The following UBA2 variants were observed in gnomAD, a reference collection of about 807,000 sequenced individuals.
UBA2 encodes the protein SUMO-activating enzyme subunit 2.
Under a neutral mutation model 77.2 loss-of-function variants are expected in UBA2, and 11 were observed. That is an observed-to-expected ratio of 0.14 (90% CI 0.09 to 0.24). UBA2 has a LOEUF of 0.24. Ranked by LOEUF, UBA2 falls within the 10% of genes least tolerant of loss-of-function variation. The pLI, the probability that UBA2 is intolerant of heterozygous loss-of-function variation, is 1.00. For missense variants in UBA2, 487 were observed against 781.7 expected (o/e 0.62, Z 4.50); for synonymous variants, 278 against 276.7 (o/e 1.00, Z -0.05).
intron 5 of UBA2, among the ~76,000 whole-genome samples, chr19:34,436,043 C>T (rs1330274535): frequency 1.3e-5 from 2 of 148,912 alleles, no homozygotes; most frequent in East Asian, 2.1e-4. Context: ...TCCCTTGAAC[C>T]GGGGAAGCGG....
chr19:34,436,764 C>T (rs1373654500), intron 5 of UBA2, among the ~76,000 whole-genome samples: 5 of 152,022 alleles, frequency 3.3e-5, no homozygotes, highest in Non-Finnish European at 5.9e-5. Flanking sequence ...TTGCTGGTTG[C>T]GTCTAATTTT....
At chr19:34,463,344 A>G (rs530699257) in intron 14 of UBA2, among the ~76,000 whole-genome samples, 2 of 152,244 alleles carry the variant, frequency 1.3e-5, no homozygotes, top group African/African-American at 4.8e-5. Flanking sequence ...CAGCGTTTTA[A>G]TGTTTTAGGG....
rs569431215 is a variant in UBA2 at position 34,450,566 on chromosome 19, G to A, written c.871+202G>A. Among the ~76,000 whole-genome samples, 10 of 152,008 alleles carry A rather than the reference G, an allele frequency of 6.6e-5. No individual in the cohort carries two copies. In the East Asian group the frequency reaches 1.4e-3, roughly 21 times the overall value. ...ATTTTCAGGAGTGTTCTGGTGGTCC[G>A]CCCTATGTACACAGATGCAGGCATT... On this transcript the variant is annotated intron_variant, in intron 9 of 16. Coordinates refer to ENST00000246548, the MANE Select transcript of UBA2 (RefSeq NM_005499.3).
Position 34,428,493 on chromosome 19 carries a change from C to A in UBA2, c.61C>A (p.Leu21Met). Residue 21 changes from leucine (L) to methionine (M), a missense_variant, in exon 1 of 17, where the codon CTG (leucine) becomes ATG (methionine). Around this residue, in one of 9 missense-constraint regions of UBA2, gnomAD observed 30 missense variants for 27.4 expected, o/e 1.09. Coordinates refer to ENST00000246548, the MANE Select transcript of UBA2 (RefSeq NM_005499.3). The part of the protein sequence containing the change: ...LAEAVAGGRV[L>M]VVGAGGIGCE... ...TGAGGCGGTGGCCGGGGGCCGGGTG[C>A]TGGTGGTGGGGGCGGGCGGCATCGG... is the stretch of plus-strand genomic sequence containing the variant. 7.7e-7 allele frequency: 1 copy of A among 1,299,482 alleles called. No individual in the cohort carries two copies. Among genetic ancestry groups the A allele is most frequent in the South Asian group, 3.4e-5 (1 of 29,642 alleles). 80.5% of individuals were successfully genotyped at this position (1,299,482 alleles called of 1,614,324 possible). A position where few individuals can be genotyped will look rare whatever the true frequency, so the allele number is the denominator to read the frequency against.
chr19:34,445,086 T>G lies in UBA2; in HGVS notation c.736T>G (p.Ser246Ala). 1 of 1,613,764 alleles carries G rather than the reference T, an allele frequency of 6.2e-7. No individual in the cohort carries two copies. Among genetic ancestry groups the G allele is most frequent in the Non-Finnish European group, 8.5e-7 (1 of 1,179,888 alleles). The change falls in exon 8 of 17, where the codon TCA (serine) becomes GCA (alanine). Residue 246 changes from serine to alanine, a missense_variant. Transcript: ENST00000246548. The part of the protein sequence containing the change: ...KRISTKEWAK[S>A]TGYDPVKLFT... ...TATTTCTACTAAGGAATGGGCTAAA[T>G]CAACTGGATATGATCCAGTTAAACT...
At chr19:34,436,313 T>A (rs1269547805) in intron 5 of UBA2, among the ~76,000 whole-genome samples, 1 of 151,124 alleles carries the variant, frequency 6.6e-6, no homozygotes, top group East Asian at 1.9e-4. Context: ...TTGTTTATTT[T>A]TTTGAGACAG....
intron 13 of UBA2, among the ~76,000 whole-genome samples, chr19:34,459,807 T>C (rs1244461640): frequency 6.6e-6 from 1 of 152,216 alleles, no homozygotes; most frequent in Non-Finnish European, 1.5e-5. Context: ...GAATGGCCTT[T>C]CTTCCAGAAA....
chr19:34,430,471 A>T (rs1026104330), intron 1 of UBA2, 105 bp from the exon 2 acceptor site: 1 of 711,926 alleles, frequency 1.4e-6, no homozygotes, highest in African/African-American at 1.8e-5. Context: ...TTTCTCCACT[A>T]ATGTAGCAGA....
chr19:34,430,406 C>G (rs1008479969), intron 1 of UBA2, among the ~76,000 whole-genome samples, 170 bp from the exon 2 acceptor site: 2 of 152,162 alleles, frequency 1.3e-5, no homozygotes, highest in Admixed American at 6.5e-5. Context: ...TTCTTACATG[C>G]ATTAAATTAT....
Position 34,469,292 on chromosome 19 carries a change from T to C in UBA2, c.*71T>C, listed in dbSNP as rs2075717508. On this transcript the variant is annotated 3_prime_UTR_variant, in exon 17 of 17. Transcript: ENST00000246548. ...GGGCAGAACCAGATTGTTATGTCCT[T>C]TGTTCCAAAGGGAAAAAATTGACAG... 1.4e-6 allele frequency: 2 copies of C among 1,382,108 alleles called. No homozygotes were observed. The highest frequency in any genetic ancestry group is 1.8e-5 in the South Asian group (1 of 54,222). The allele number at this position is 1,382,108 out of a possible 1,614,324, so 85.6% of individuals were successfully genotyped here. A position where few individuals can be genotyped will look rare whatever the true frequency, so the allele number is the denominator to read the frequency against.
chr19:34,444,560 A>G (rs2075407911), intron 7 of UBA2, among the ~76,000 whole-genome samples: 1 of 151,798 alleles, frequency 6.6e-6, no homozygotes, highest in Middle Eastern at 3.2e-3. Context: ...TAGTCCCAGC[A>G]TTTTGGGAGG....
chr19:34,449,303 C>G (rs1256440896), intron 8 of UBA2, among the ~76,000 whole-genome samples: 1 of 139,774 alleles, frequency 7.2e-6, no homozygotes, highest in South Asian at 2.4e-4. Context: ...CTCTTGACTT[C>G]GTGATCCACC....
At chr19:34,449,113 A>C (rs2145531126) in intron 8 of UBA2, among the ~76,000 whole-genome samples, 1 of 122,424 alleles carries the variant, frequency 8.2e-6, no homozygotes. Flanking sequence ...CTCTGTTGCC[A>C]GGCTGGAGTG....
intron 6 of UBA2, among the ~76,000 whole-genome samples, chr19:34,442,978 G>C (rs1344447103): frequency 6.6e-6 from 1 of 152,166 alleles, no homozygotes; most frequent in Non-Finnish European, 1.5e-5. Context: ...GGAAATACTG[G>C]AAACTTTTAT....
At chr19:34,454,156 A>G in intron 10 of UBA2, 104 bp from the exon 11 acceptor site, 1 of 1,047,538 alleles carries the variant, frequency 9.5e-7, no homozygotes, top group Non-Finnish European at 1.4e-6. Flanking sequence ...GTTCTAGTCG[A>G]AAGTCTATAG....
In UBA2 at chr19:34,435,052, A is replaced by G. The variant is rs1413180916; in HGVS notation, c.459+84A>G. On this transcript the variant is annotated intron_variant, in intron 5 of 16. Coordinates refer to ENST00000246548, the MANE Select transcript of UBA2 (RefSeq NM_005499.3). ...GAGGAAATAAACTTTGTATTTATATAAAATGAACAGGTGAACATCCAAAAT... is the reference window on the plus strand; with the variant it reads ...GAGGAAATAAACTTTGTATTTATATGAAATGAACAGGTGAACATCCAAAAT... 12 of 991,444 alleles carry G rather than the reference A, an allele frequency of 1.2e-5. No homozygotes were observed. The South Asian group carries it at 1.8e-4, about 15-fold the overall frequency. 61.4% of individuals were successfully genotyped at this position (991,444 alleles called of 1,614,324 possible).
At chr19:34,440,262 T>C (rs575154493) in intron 6 of UBA2, among the ~76,000 whole-genome samples, 322 of 145,830 alleles carry the variant, frequency 2.2e-3, no homozygotes, top group African/African-American at 7.8e-3. Flanking sequence ...GGGTGGAGAT[T>C]GGGCCACTGC....
At chr19:34,435,148 A>G (rs559816599) in intron 5 of UBA2, among the ~76,000 whole-genome samples, 180 bp downstream of exon 5, 47 of 152,366 alleles carry the variant, frequency 3.1e-4, no homozygotes, top group Non-Finnish European at 5.7e-4. Flanking sequence ...CTGTAATCCC[A>G]GCACTTCGGG....
intron 15 of UBA2, among the ~76,000 whole-genome samples, chr19:34,465,585 G>A (rs1057218879): frequency 1.4e-4 from 21 of 147,654 alleles, no homozygotes; most frequent in Admixed American, 1.2e-3. Context: ...GCAGTGAGCC[G>A]AGATTGCGCC....
Sources: gnomAD v4.1 joint callset for allele counts (sites outside exome capture counted in the v4.1 genomes callset) on GRCh38, gnomAD v4.1.1 for gene constraint, gnomAD v4.1.1 regional missense constraint, MANE v1.5 for transcripts, NCBI Gene and HGNC (gene_info 2026-07-23, HGNC 2026-07-21) for gene names.